RSPH1: variants seen among roughly 807,000 people sequenced by gnomAD.
RSPH1 encodes radial spoke head 1 homolog.
In RSPH1, 32 loss-of-function variants were observed where a neutral mutation model predicts 44.2. That is an observed-to-expected ratio of 0.72 (90% CI 0.55 to 0.97). The LOEUF (loss-of-function observed/expected upper bound fraction) is 0.97, where lower values mean the gene tolerates loss of function less well. RSPH1 is among the 50% of genes least tolerant of loss of function. The pLI is 0.00. For synonymous variants in RSPH1, 134 were observed against 147.3 expected (o/e 0.91, Z 0.65); for missense variants, 391 against 398.7 (o/e 0.98, Z 0.16).
chr21:42,491,617 C>T (rs773049758), intron 3 of RSPH1, among the ~76,000 whole-genome samples: 13 of 152,120 alleles, frequency 8.5e-5, no homozygotes, highest in Non-Finnish European at 1.3e-4. Flanking sequence ...ATAGAGCAAG[C>T]CTTCTGGGAT....
chr21:42,485,506 CCAGAGGCTCAG>C, intron 5 of RSPH1, 152 bp downstream of exon 5: 2 of 739,070 alleles, frequency 2.7e-6, no homozygotes, highest in South Asian at 3.7e-5. Flanking sequence ...TCTGTGGGTA[CCAGAGGCTCAG>C]AGAATGGCAC....
intron 6 of RSPH1, among the ~76,000 whole-genome samples, chr21:42,482,172 C>T (rs56013033): frequency 6.6e-6 from 1 of 152,164 alleles, no homozygotes; most frequent in Non-Finnish European, 1.5e-5. Flanking sequence ...CAAACTCCGC[C>T]GCCCAGGTTT....
At chr21:42,486,556 G>A in intron 3 of RSPH1, 95 bp from the exon 4 acceptor site, 1 of 886,918 alleles carries the variant, frequency 1.1e-6, no homozygotes, top group South Asian at 1.3e-5. Flanking sequence ...AAAGGCAGAT[G>A]TGTTGTGAAG....
rs1257215307 is a variant in RSPH1, at chr21:42,473,548, A to AT, written c.878-679dup. On this transcript the variant is annotated intron_variant, in intron 8 of 8. Transcript: ENST00000291536. ...CATTCTTATAAGACGCTATATTTAA[A>AT]TGTTTTGTGAAAGGTAGAGCTATTT... Among the ~76,000 whole-genome samples the AT allele has an allele frequency of 8.6e-5, 13 of 151,942 alleles. No homozygotes were observed. In the South Asian group the frequency reaches 2.7e-3, roughly 32 times the overall value.
intron 5 of RSPH1, among the ~76,000 whole-genome samples, chr21:42,483,007 AT>A (rs1302911207): frequency 6.6e-6 from 1 of 152,190 alleles, no homozygotes; most frequent in Admixed American, 6.5e-5. Context: ...TACTACTAAT[AT>A]TTTGATGCAT....
At position 42,477,435 on chromosome 21, in the gene RSPH1, C is replaced by G. The variant is rs765233783; in HGVS notation, c.583G>C (p.Glu195Gln). 6.2e-7 allele frequency: 1 copy of G among 1,613,960 alleles called. No homozygotes were observed. Among genetic ancestry groups the G allele is most frequent in the Non-Finnish European group, 8.5e-7 (1 of 1,179,842 alleles). The change falls in exon 7 of 9, where the codon GAA (glutamate) becomes CAA (glutamine). Residue 195 changes from glutamate (E) to glutamine (Q), a missense_variant. By Grantham distance (29) the Glu-to-Gln change is conservative. Transcript: ENST00000291536. ...EYRLTDMERG[E>Q]EEEEEELVTV... ...ACTAATTCTTCCTCCTCTTCCTCTTCTCCTCTTTCCTATTTTAAGTGCAAA... is the reference window on the plus strand; with the variant it reads ...ACTAATTCTTCCTCCTCTTCCTCTTGTCCTCTTTCCTATTTTAAGTGCAAA...
In RSPH1 at chr21:42,474,438, T is replaced by A. The variant is rs1336210645; in HGVS notation, c.877+1460A>T. ...TGCAGGGAACTCACTGATTCCTTTA[T>A]TCCAGCTTCCCATTAGGTGCTAGAG... On this transcript the variant is annotated intron_variant, in intron 8 of 8. Coordinates refer to ENST00000291536, the MANE Select transcript of RSPH1 (RefSeq NM_080860.4). The surrounding 1 kb of genome is among the most constrained non-coding windows in gnomAD (Gnocchi z 5.2). Among the ~76,000 whole-genome samples, 1 of 152,246 alleles carries A rather than the reference T, an allele frequency of 6.6e-6. No homozygotes were observed. The highest frequency in any genetic ancestry group is 2.4e-5 in the African/African-American group (1 of 41,462).
At chr21:42,475,810 G>C in intron 8 of RSPH1, 88 bp downstream of exon 8, 2 of 1,469,096 alleles carry the variant, frequency 1.4e-6, no homozygotes, top group Non-Finnish European at 1.9e-6. Context: ...CCAGCTGAAG[G>C]CAGGCCTTGG....
At chr21:42,476,244 C>A (rs1028123164) in intron 7 of RSPH1, among the ~76,000 whole-genome samples, 197 bp from the exon 8 acceptor site, 6 of 152,046 alleles carry the variant, frequency 3.9e-5, no homozygotes, top group African/African-American at 1.4e-4. Context: ...CCACTGTAGT[C>A]AGTGGCTTGG....
chr21:42,490,854 C>T (rs1381931337), intron 3 of RSPH1, among the ~76,000 whole-genome samples: 1 of 90 alleles, frequency 0.011, no homozygotes, highest in East Asian at 0.25. Context: ...CAGCCCCACC[C>T]ACCAACTTTT....
chr21:42,475,242 A>C (rs1264036360), intron 8 of RSPH1, among the ~76,000 whole-genome samples: 1 of 152,150 alleles, frequency 6.6e-6, no homozygotes, highest in African/African-American at 2.4e-5. Context: ...CCATTGAAAA[A>C]GAGCTAGTTC....
chr21:42,482,081 G>T lies in RSPH1; in HGVS notation c.573+556C>A, dbSNP rs143941410. Reference sequence around the variant, plus strand: ...CTCAGGATTAGTTTTTTATTTATTGGTTGTTTGTTTGTTTGTTTTTGAGAC... The same window carrying T: ...CTCAGGATTAGTTTTTTATTTATTGTTTGTTTGTTTGTTTGTTTTTGAGAC... On this transcript the variant is annotated intron_variant, in intron 6 of 8. Transcript: ENST00000291536. Among the ~76,000 whole-genome samples the T allele has an allele frequency of 8.2e-3, 1,241 of 152,140 alleles. 20 individuals carry two copies. The highest frequency in any genetic ancestry group is 0.028 in the African/African-American group (1,177 of 41,494).
rs751775896 is a variant in RSPH1 at position 42,477,296 on chromosome 21, G to GCCCGGGGGTGCCCTACACCCTCTGCC, written c.721_722insGGCAGAGGGTGTAGGGCACCCCCGGG (p.Ala241GlyfsTer5). 6.2e-7 allele frequency: 1 copy of GCCCGGGGGTGCCCTACACCCTCTGCC among 1,613,422 alleles called. No individual in the cohort carries two copies. On this transcript the variant is annotated stop_gained and frameshift_variant, in exon 7 of 9. Transcript: ENST00000291536. LOFTEE classifies it high-confidence loss of function. ...AGCCCGGGGGTGCCCCACACTCTCA[G>GCCCGGGGGTGCCCTACACCCTCTGCC]CTCCTGGAGCGTCTTGGCCAGGTCC...
At chr21:42,473,784 G>T (rs2054016953) in intron 8 of RSPH1, among the ~76,000 whole-genome samples, 1 of 152,050 alleles carries the variant, frequency 6.6e-6, no homozygotes, top group African/African-American at 2.4e-5. Context: ...ACCCTTTGCT[G>T]GGGGCTGTTC....
At position 42,482,676 on chromosome 21, in the gene RSPH1, A is replaced by G; in HGVS notation, c.534T>C (p.Val178=). Residue 178 remains valine (V), a synonymous_variant, in exon 6 of 9, where the codon GTT becomes GTC. Coordinates refer to ENST00000291536, the MANE Select transcript of RSPH1 (RefSeq NM_080860.4). ...GATATTCACCATGTTGTTCACACCC[A>G]ACATCAAATACATACTTTCCAGGGC... ...PVGPGKYVFD[V]GCEQHGEYRL... The G allele has an allele frequency of 6.2e-7, 1 of 1,613,744 alleles. No homozygotes were observed. Among genetic ancestry groups the G allele is most frequent in the Non-Finnish European group, 8.5e-7 (1 of 1,179,818 alleles).
chr21:42,486,232 G>A (rs1263672790), intron 4 of RSPH1, 139 bp downstream of exon 4: 1 of 700,544 alleles, frequency 1.4e-6, no homozygotes, highest in Non-Finnish European at 2.6e-6. Flanking sequence ...CAAAGCCATA[G>A]AAAGATTGGA....
chr21:42,493,707 C>T (rs563307419), intron 1 of RSPH1, among the ~76,000 whole-genome samples: 8 of 152,284 alleles, frequency 5.3e-5, no homozygotes, highest in Admixed American at 2.0e-4. Context: ...ACTTAAGGTT[C>T]GAACACTCAT....
intron 7 of RSPH1, 81 bp from the exon 8 acceptor site, chr21:42,476,128 G>A: frequency 2.1e-6 from 3 of 1,438,634 alleles, no homozygotes; most frequent in Non-Finnish European, 2.9e-6. Flanking sequence ...CTGTCCCCTG[G>A]GCTGCCGTGC....
chr21:42,483,453 T>G (rs149961675), intron 5 of RSPH1, among the ~76,000 whole-genome samples: 3 of 130,972 alleles, frequency 2.3e-5, no homozygotes, highest in Non-Finnish European at 5.3e-5. Flanking sequence ...AAATGGTCTA[T>G]TTTTACATGT....
Sources: gnomAD v4.1 joint callset for allele counts (sites outside exome capture counted in the v4.1 genomes callset) on GRCh38, gnomAD v4.1.1 for gene constraint, Gnocchi (gnomAD v3.1) non-coding constraint, MANE v1.5 for transcripts, NCBI Gene and HGNC (gene_info 2026-07-23, HGNC 2026-07-21) for gene names.